Variants in FAM185A observed in about 807,000 individuals in gnomAD.
The protein encoded by FAM185A is family with sequence similarity 185 member A.
Under a neutral mutation model 45.7 loss-of-function variants are expected in FAM185A, and 21 were observed. The ratio of observed to expected loss-of-function variants is 0.46; its 90% CI spans 0.33 to 0.66. FAM185A has a LOEUF of 0.66. Among genes scored for constraint, FAM185A ranks in the 30% least tolerant of loss-of-function variants. FAM185A has a pLI of 0.03. For missense variants in FAM185A, 305 were observed against 485.4 expected, an observed-to-expected ratio of 0.63 and a Z score of 3.49; for synonymous variants, 117 against 194.0, an observed-to-expected ratio of 0.60 and a Z score of 3.30.
In FAM185A at chr7:102,749,116, C is replaced by T. The variant is rs1423458102; in HGVS notation, c.-92C>T. 1 of 1,506,368 alleles carries T rather than the reference C, an allele frequency of 6.6e-7. No homozygotes were observed. The highest frequency in any genetic ancestry group is 9.0e-7 in the Non-Finnish European group (1 of 1,107,146). 93.3% of individuals were successfully genotyped at this position (1,506,368 alleles called of 1,614,324 possible). ...ACCCTGACTTACGTCTCCTATTTGA[C>T]TTGAGGCGGCACAGTGGCCAAGTCG... On this transcript the variant is annotated 5_prime_UTR_variant, in exon 1 of 8. Transcript: ENST00000413034.
chr7:102,758,750 G>A (rs1272243120), intron 3 of FAM185A, among the ~76,000 whole-genome samples: 1 of 151,372 alleles, frequency 6.6e-6, no homozygotes, highest in African/African-American at 2.4e-5. Flanking sequence ...AGCATATTTT[G>A]TATGTAGATT....
At chr7:102,784,010 C>T (rs868338779) in intron 6 of FAM185A, among the ~76,000 whole-genome samples, 101 of 135,466 alleles carry the variant, frequency 7.5e-4, no homozygotes, top group Admixed American at 1.5e-3. Flanking sequence ...ATATCATCAC[C>T]GATCCCACAG....
chr7:102,843,275 C>T, the FAM185A span, among the ~76,000 whole-genome samples: 3 of 152,076 alleles, frequency 2.0e-5, no homozygotes, highest in Admixed American at 2.0e-4. Context: ...GAAACCCCGT[C>T]TCTACTAAAA....
chr7:102,831,619 T>C, the FAM185A span, among the ~76,000 whole-genome samples: 1 of 152,146 alleles, frequency 6.6e-6, no homozygotes, highest in Non-Finnish European at 1.5e-5. Context: ...TCTCCCTTAT[T>C]TTCATCCCCA....
chr7:102,777,130 T>C (rs1485771544), intron 5 of FAM185A, 123 bp from the exon 6 acceptor site: 2 of 1,003,824 alleles, frequency 2.0e-6, no homozygotes, highest in Non-Finnish European at 1.4e-6. Context: ...ATGAGGAAAA[T>C]ACTAAACCTT....
At chr7:102,759,474 A>G (rs898616352) in intron 3 of FAM185A, among the ~76,000 whole-genome samples, 3 of 151,800 alleles carry the variant, frequency 2.0e-5, no homozygotes, top group African/African-American at 7.3e-5. Context: ...TTTAATGTAT[A>G]TTTCTAAGTT....
intron 5 of FAM185A, among the ~76,000 whole-genome samples, chr7:102,776,741 T>G (rs898671676): frequency 1.1e-4 from 17 of 149,964 alleles, no homozygotes; most frequent in Non-Finnish European, 1.9e-4. Flanking sequence ...ATGCGACAAC[T>G]TTATGTAGAG....
At chr7:102,780,348 C>G (rs1411334161) in intron 6 of FAM185A, among the ~76,000 whole-genome samples, 4 of 151,922 alleles carry the variant, frequency 2.6e-5, no homozygotes, top group Non-Finnish European at 4.4e-5. Flanking sequence ...CACTGCAACC[C>G]ACATAATTCT....
intron 4 of FAM185A, among the ~76,000 whole-genome samples, chr7:102,763,569 G>A (rs1458023489): frequency 1.3e-5 from 2 of 152,212 alleles, no homozygotes; most frequent in African/African-American, 4.8e-5. Context: ...CCTCAGAGTT[G>A]TCTCAAGCTG....
At chr7:102,811,553 C>T (rs1797436037), downstream of FAM185A, among the ~76,000 whole-genome samples, 1 of 152,190 alleles carries the variant, frequency 6.6e-6, no homozygotes, top group South Asian at 2.1e-4. Flanking sequence ...AGCTTTGGAG[C>T]AAGCTCTGAA....
the FAM185A span, among the ~76,000 whole-genome samples, chr7:102,846,786 G>A: frequency 1.5e-5 from 1 of 68,734 alleles, no homozygotes; most frequent in African/African-American, 5.6e-5. Flanking sequence ...TGAACTTTGG[G>A]ACAGCCACAG....
intron 6 of FAM185A, among the ~76,000 whole-genome samples, chr7:102,781,684 T>C: frequency 6.6e-6 from 1 of 151,782 alleles, no homozygotes. Context: ...AGACCAAAGG[T>C]AGATAAAACC....
At chr7:102,801,283 T>C (rs1349931600) in intron 7 of FAM185A, among the ~76,000 whole-genome samples, 1 of 151,430 alleles carries the variant, frequency 6.6e-6, no homozygotes, top group Non-Finnish European at 1.5e-5. Flanking sequence ...CTTTAAGACA[T>C]AAATCTCACA....
At chr7:102,794,443 T>G (rs1321928362) in intron 7 of FAM185A, among the ~76,000 whole-genome samples, 2 of 152,182 alleles carry the variant, frequency 1.3e-5, no homozygotes, top group Non-Finnish European at 2.9e-5. Flanking sequence ...AAATGCACAT[T>G]AAAACCAGAA....
chr7:102,812,631 G>A (rs1046157537), downstream of FAM185A, among the ~76,000 whole-genome samples: 2 of 152,078 alleles, frequency 1.3e-5, no homozygotes, highest in African/African-American at 4.8e-5. Flanking sequence ...GATCCTTAAA[G>A]TTATTCCCCT....
the FAM185A span, among the ~76,000 whole-genome samples, chr7:102,819,447 A>C: frequency 6.6e-6 from 1 of 152,140 alleles, no homozygotes; most frequent in Non-Finnish European, 1.5e-5. Flanking sequence ...CTCATTGACC[A>C]AAAGTTTGCT....
downstream of FAM185A, among the ~76,000 whole-genome samples, chr7:102,811,939 C>CTAA (rs142812749): frequency 2.2e-4 from 33 of 152,236 alleles, no homozygotes; most frequent in African/African-American, 7.5e-4. Context: ...AAGCATTTAG[C>CTAA]TAATACAAGG....
the FAM185A span, among the ~76,000 whole-genome samples, chr7:102,831,333 T>C: frequency 0.17 from 25,628 of 151,706 alleles, 2,231 homozygotes; most frequent in Middle Eastern, 0.26. Context: ...TGGGATCTTA[T>C]GTGCTACTGA....
At chr7:102,756,691 AATGGCTCATATATAAT>A (rs1210877082) in intron 2 of FAM185A, among the ~76,000 whole-genome samples, 1 of 146,002 alleles carries the variant, frequency 6.8e-6, no homozygotes, top group Non-Finnish European at 1.5e-5. Flanking sequence ...CCAAACATCT[AATGGCTCATATATAAT>A]ATGAGTTTAT....
Sources: gnomAD v4.1 joint callset for allele counts (sites outside exome capture counted in the v4.1 genomes callset) on GRCh38, gnomAD v4.1.1 for gene constraint, MANE v1.5 for transcripts, NCBI Gene and HGNC (gene_info 2026-07-23, HGNC 2026-07-21) for gene names.